The following UNC80 variants were observed in gnomAD, a reference collection of about 807,000 sequenced individuals.
UNC80 encodes the protein protein unc-80 homolog.
A neutral mutation model predicts 384.6 loss-of-function variants in UNC80; 164 were observed. The observed-to-expected ratio is 0.43, with a 90% CI of 0.38 to 0.49. The LOEUF (loss-of-function observed/expected upper bound fraction) is 0.49, where lower values mean the gene tolerates loss of function less well. Among genes scored for constraint, UNC80 ranks in the 20% least tolerant of loss-of-function variants. The pLI is 0.00. For synonymous variants in UNC80, 1,486 were observed against 1,527.8 expected (o/e 0.97, Z 0.64); for missense variants, 3,330 against 4,143.0 (o/e 0.80, Z 5.39).
At chr2:209,987,810 T>C (rs2093319543) in intron 61 of UNC80, among the ~76,000 whole-genome samples, 1 of 151,992 alleles carries the variant, frequency 6.6e-6, no homozygotes, top group African/African-American at 2.4e-5. Flanking sequence ...GTGGAACCCA[T>C]CTCATGATTA....
At chr2:209,845,224 C>G (rs1328677508) in intron 21 of UNC80, 2 of 152,180 alleles carry the variant, frequency 1.3e-5, no homozygotes, top group African/African-American at 2.4e-5. Flanking sequence ...AGACTTCCAG[C>G]CTTCAGAACC....
rs1049599496 is a variant in UNC80, at chr2:209,771,938, G to A, written c.-135G>A. On this transcript the variant is annotated 5_prime_UTR_variant, in exon 1 of 65. Transcript: ENST00000673920. ...GTGGGGGGAGGGGAGAGGCACGGGG[G>A]ATCAGGGCGGAGAGAGCCGGCTCTG... The A allele has an allele frequency of 1.1e-4, 74 of 675,224 alleles. No homozygotes were observed. Among genetic ancestry groups the A allele is most frequent in the Non-Finnish European group, 1.7e-4 (64 of 367,028 alleles). 41.8% of individuals were successfully genotyped at this position (675,224 alleles called of 1,614,324 possible).
chr2:209,970,657 G>T (rs527995817), intron 53 of UNC80, among the ~76,000 whole-genome samples, 175 bp from the exon 54 acceptor site: 2 of 152,270 alleles, frequency 1.3e-5, no homozygotes, highest in African/African-American at 4.8e-5. Flanking sequence ...TGTAATGTTC[G>T]ATCTGACTCC....
chr2:209,960,833 C>A (rs1315314572), intron 51 of UNC80: 2 of 152,210 alleles, frequency 1.3e-5, no homozygotes, highest in Non-Finnish European at 2.9e-5. Flanking sequence ...AGTTCAGCTC[C>A]TAGATGGGAG....
chr2:209,808,984 C>T, intron 7 of UNC80: 3 of 328,330 alleles, frequency 9.1e-6, no homozygotes, highest in Middle Eastern at 6.3e-4. Flanking sequence ...GCTCCAAGCA[C>T]AACCAACTGC....
Position 209,834,826 on chromosome 2 carries a change from AG to A in UNC80, c.2943-85del. ...CACAAGCTGCAAAGTTGTCTACAAC[AG>A]AGTGTTTTGTTTTATGAAGTGTATG... On this transcript the variant is annotated intron_variant, in intron 17 of 64. Coordinates refer to ENST00000673920, the MANE Select transcript of UNC80 (RefSeq NM_001371986.1). 3.6e-6 allele frequency: 4 copies of A among 1,123,682 alleles called. No homozygotes were observed. The South Asian group carries it at 4.0e-5, about 11-fold the overall frequency. 69.6% of individuals were successfully genotyped at this position (1,123,682 alleles called of 1,614,324 possible). A position where few individuals can be genotyped will look rare whatever the true frequency, so the allele number is the denominator to read the frequency against.
At chr2:209,878,313 A>G (rs376881402) in intron 24 of UNC80, among the ~76,000 whole-genome samples, 3 of 152,330 alleles carry the variant, frequency 2.0e-5, no homozygotes, top group African/African-American at 7.2e-5. Context: ...AAGGAGCTGC[A>G]GGCAAGATGG....
rs1329839957 is a variant in UNC80 at position 209,912,493 on chromosome 2, G to C, written c.4783-67G>C. The C allele has an allele frequency of 4.1e-6, 4 of 969,776 alleles. No individual in the cohort carries two copies. In the African/African-American group the frequency reaches 5.1e-5, roughly 12 times the overall value. The allele number at this position is 969,776 out of a possible 1,614,324, so 60.1% of individuals were successfully genotyped here. The stretch of plus-strand genomic sequence containing the variant: ...AGATGGTTGCCTGGAGAATTGCGGG[G>C]ACATATAGCACTGTTGGGTTTTTAG... On this transcript the variant is annotated intron_variant, in intron 29 of 64. Coordinates refer to ENST00000673920, the MANE Select transcript of UNC80 (RefSeq NM_001371986.1).
intron 53 of UNC80, 48 bp from the exon 54 acceptor site, chr2:209,970,784 T>C: frequency 6.5e-7 from 1 of 1,532,562 alleles, no homozygotes; most frequent in South Asian, 1.2e-5. Context: ...TACGGTTGCA[T>C]GAAATTGCAA....
chr2:209,948,123 A>T (rs1014226959), intron 47 of UNC80, among the ~76,000 whole-genome samples: 1 of 152,166 alleles, frequency 6.6e-6, no homozygotes, highest in African/African-American at 2.4e-5. Flanking sequence ...GTTTGAAGGT[A>T]TTATAAATAA....
At position 209,861,472 on chromosome 2, in the gene UNC80, C is replaced by T. The variant is rs1011841834; in HGVS notation, c.3628-11286C>T. 7.4e-4 allele frequency among the ~76,000 whole-genome samples: 112 copies of T among 152,304 alleles called. 1 individual carries two copies. Among genetic ancestry groups the T allele is most frequent in the African/African-American group, 2.5e-3 (103 of 41,588 alleles). On this transcript the variant is annotated intron_variant, in intron 22 of 64. Transcript: ENST00000673920. ...GCCAGTATTTTATTGAGGATTTTCA[C>T]ACAGATGTTCATCAGGCTCATTCTT...
chr2:209,837,905 G>A (rs1024416809), intron 18 of UNC80, among the ~76,000 whole-genome samples: 1 of 151,858 alleles, frequency 6.6e-6, no homozygotes, highest in Non-Finnish European at 1.5e-5. Flanking sequence ...CTGAGTAGCT[G>A]GGACTACAGG....
chr2:209,943,700 G>A (rs1182335168), intron 45 of UNC80, among the ~76,000 whole-genome samples, 186 bp downstream of exon 45: 1 of 152,230 alleles, frequency 6.6e-6, no homozygotes, highest in Admixed American at 6.5e-5. Context: ...GGTATGTCCT[G>A]ATTGGAGCTA....
At chr2:209,943,625 T>C in intron 45 of UNC80, 111 bp downstream of exon 45, 1 of 1,301,228 alleles carries the variant, frequency 7.7e-7, no homozygotes, top group South Asian at 1.4e-5. Flanking sequence ...ACTTGTGTTT[T>C]GGCAGAGATG....
At chr2:209,926,487 A>G (rs1041348371) in intron 35 of UNC80, among the ~76,000 whole-genome samples, 3 of 152,204 alleles carry the variant, frequency 2.0e-5, no homozygotes, top group Non-Finnish European at 4.4e-5. Context: ...TTAAAATTAT[A>G]TTACTGAGGC....
chr2:209,997,840 G>A lies in UNC80; in HGVS notation c.*2245G>A, dbSNP rs2093505818. ...CCCTTAAATGTGTTGAATGTAATGT[G>A]TTGAATGTTTATGTGTAATGGCTAA... is the stretch of plus-strand genomic sequence containing the variant. On this transcript the variant is annotated 3_prime_UTR_variant, in exon 65 of 65. Coordinates refer to ENST00000673920, the MANE Select transcript of UNC80 (RefSeq NM_001371986.1). 2 of 152,068 alleles carry A rather than the reference G, an allele frequency of 1.3e-5. No individual in the cohort carries two copies. Among genetic ancestry groups the A allele is most frequent in the Admixed American group, 1.3e-4 (2 of 15,266 alleles). The allele number at this position is 152,068 out of a possible 1,614,324, so 9.4% of individuals were successfully genotyped here.
At chr2:209,896,663 C>T (rs1377372548) in intron 28 of UNC80, among the ~76,000 whole-genome samples, 2 of 152,114 alleles carry the variant, frequency 1.3e-5, no homozygotes, top group Admixed American at 6.6e-5. Flanking sequence ...CACCATAAAT[C>T]AGGGAAAATC....
At chr2:209,903,523 A>G (rs1231854589) in intron 28 of UNC80, among the ~76,000 whole-genome samples, 1 of 57,180 alleles carries the variant, frequency 1.7e-5, no homozygotes, top group Non-Finnish European at 2.9e-5. Flanking sequence ...TAATATATAT[A>G]CTATATATAT....
intron 34 of UNC80, 112 bp from the exon 35 acceptor site, chr2:209,922,140 A>G: frequency 8.1e-7 from 1 of 1,235,892 alleles, no homozygotes; most frequent in Non-Finnish European, 1.1e-6. Context: ...ACTCAAAATT[A>G]TTTAAGCCTT....
Sources: allele counts gnomAD v4.1 joint callset (sites outside exome capture counted in the v4.1 genomes callset), GRCh38; gene constraint gnomAD v4.1.1; transcripts MANE v1.5; gene names NCBI Gene and HGNC (gene_info 2026-07-23, HGNC 2026-07-21).